Variants in OCA2 observed in about 807,000 individuals in gnomAD.
The protein encoded by OCA2 is P protein.
OCA2 carries 77 observed loss-of-function variants against 100.2 expected under a neutral mutation model. The ratio of observed to expected loss-of-function variants is 0.77; its 90% confidence interval spans 0.64 to 0.93. The LOEUF (loss-of-function observed/expected upper bound fraction) is 0.93, where lower values mean the gene tolerates loss of function less well. Ranked by LOEUF, OCA2 falls within the 40% of genes least tolerant of loss-of-function variation. The pLI is 0.00. For synonymous variants in OCA2, 432 were observed against 439.2 expected, an observed-to-expected ratio of 0.98 and a Z score of 0.21; for missense variants, 1,062 against 1,089.1, an observed-to-expected ratio of 0.98 and a Z score of 0.35.
intron 2 of OCA2, among the ~76,000 whole-genome samples, chr15:28,072,553 G>T (rs1479433469): frequency 1.4e-5 from 2 of 138,292 alleles, no homozygotes; most frequent in Non-Finnish European, 3.0e-5. Flanking sequence ...TCGCATCACT[G>T]CACTCCAGCC....
chr15:27,979,865 A>ACT (rs1567185153), intron 14 of OCA2, among the ~76,000 whole-genome samples: 10 of 115,418 alleles, frequency 8.7e-5, no homozygotes, highest in African/African-American at 3.0e-4. Context: ...ATGCCCAGCT[A>ACT]GTGTTTTTTT....
intron 1 of OCA2, among the ~76,000 whole-genome samples, chr15:28,094,369 C>T (rs2044929418): frequency 6.6e-6 from 1 of 152,138 alleles, no homozygotes; most frequent in Non-Finnish European, 1.5e-5. Context: ...AGCTCCCGCC[C>T]GTAGGGACAC....
At chr15:28,047,872 C>A (rs2043391789) in intron 2 of OCA2, among the ~76,000 whole-genome samples, 1 of 152,140 alleles carries the variant, frequency 6.6e-6, no homozygotes, top group Non-Finnish European at 1.5e-5. Context: ...TGTAGAAAAT[C>A]CCAAAGAATC....
intron 2 of OCA2, among the ~76,000 whole-genome samples, chr15:28,071,207 C>G (rs1005505911): frequency 1.3e-4 from 20 of 149,536 alleles, no homozygotes; most frequent in African/African-American, 5.0e-4. Context: ...AGGAATACAG[C>G]TAACCAAGGA....
Position 27,913,887 on chromosome 15 carries a change from G to GAAAGAA in OCA2, c.2079+12234_2079+12239dup, listed in dbSNP as rs1567098295. Among the ~76,000 whole-genome samples the GAAAGAA allele has an allele frequency of 9.2e-4, 45 of 48,904 alleles. 2 individuals are homozygous for GAAAGAA. The highest frequency in any genetic ancestry group is 3.4e-3 in the South Asian group (4 of 1,180). 32.1% of individuals were successfully genotyped at this position (48,904 alleles called of 152,430 possible). A position where few individuals can be genotyped will look rare whatever the true frequency, so the allele number is the denominator to read the frequency against. On this transcript the variant is annotated intron_variant, in intron 19 of 23. Coordinates refer to ENST00000354638, the MANE Select transcript of OCA2 (RefSeq NM_000275.3). ...AGAAAGAAAGAAAGAAAGAAAGAAA[G>GAAAGAA]AAAGAAAGCAAGCAAGCAAGCAAGC... is the stretch of plus-strand genomic sequence containing the variant.
At chr15:27,806,566 T>C (rs1002608389) in intron 23 of OCA2, among the ~76,000 whole-genome samples, 2 of 152,076 alleles carry the variant, frequency 1.3e-5, no homozygotes, top group African/African-American at 4.8e-5. Flanking sequence ...GGCCCTTCCC[T>C]AGCGGCCCCG....
chr15:27,943,231 C>A (rs2039712103), intron 18 of OCA2, among the ~76,000 whole-genome samples: 1 of 152,108 alleles, frequency 6.6e-6, no homozygotes. Context: ...GTCAGCCGTG[C>A]CTCACTGTAC....
chr15:28,069,625 AG>A (rs1314004812), intron 2 of OCA2, among the ~76,000 whole-genome samples: 3 of 144,562 alleles, frequency 2.1e-5, no homozygotes, highest in African/African-American at 8.1e-5. Flanking sequence ...GCCGGTCTCC[AG>A]CCCCTAACCG....
intron 19 of OCA2, among the ~76,000 whole-genome samples, chr15:27,893,159 G>A (rs1410019963): frequency 6.6e-6 from 1 of 152,244 alleles, no homozygotes; most frequent in Non-Finnish European, 1.5e-5. Context: ...CGTGGCAGAG[G>A]AACATAAATT....
At chr15:27,971,785 A>AT (rs1344971989) in intron 14 of OCA2, among the ~76,000 whole-genome samples, 2 of 152,146 alleles carry the variant, frequency 1.3e-5, no homozygotes, top group East Asian at 3.9e-4. Flanking sequence ...TGATTTGTTT[A>AT]TTATTCCTCC....
chr15:27,752,181 C>G (rs953214106), downstream of OCA2, among the ~76,000 whole-genome samples: 2 of 152,216 alleles, frequency 1.3e-5, no homozygotes, highest in Non-Finnish European at 2.9e-5. Context: ...GACCCTTCAT[C>G]TGGATTTTCA....
intron 2 of OCA2, among the ~76,000 whole-genome samples, chr15:28,048,232 G>T (rs1293166946): frequency 2.6e-5 from 4 of 152,144 alleles, no homozygotes; most frequent in African/African-American, 9.7e-5. Context: ...AAATTCCAAA[G>T]AAATGTAAAA....
chr15:27,897,989 GGCCTGTA>G (rs906665299), intron 19 of OCA2, among the ~76,000 whole-genome samples: 4 of 152,230 alleles, frequency 2.6e-5, no homozygotes, highest in Non-Finnish European at 4.4e-5. Context: ...ACTTGCATGG[GGCCTGTA>G]GCCCCTTGGT....
Position 27,966,930 on chromosome 15 carries a change from C to T in OCA2, c.1504-108G>A, listed in dbSNP as rs2040589807. On this transcript the variant is annotated intron_variant, in intron 14 of 23. Coordinates refer to ENST00000354638, the MANE Select transcript of OCA2 (RefSeq NM_000275.3). Reference sequence around the variant, plus strand: ...GGATCACGAGGTCCGGAGATGGAGACCATCCTGGCTAACACAGTGAAAACC... The same window carrying T: ...GGATCACGAGGTCCGGAGATGGAGATCATCCTGGCTAACACAGTGAAAACC... 5.7e-6 allele frequency: 7 copies of T among 1,222,910 alleles called. No homozygotes were observed. The African/African-American group carries it at 1.0e-4, about 18-fold the overall frequency. 75.8% of individuals were successfully genotyped at this position (1,222,910 alleles called of 1,614,324 possible).
chr15:27,794,381 G>A (rs896515434), intron 23 of OCA2, among the ~76,000 whole-genome samples: 6 of 152,182 alleles, frequency 3.9e-5, no homozygotes, highest in African/African-American at 1.2e-4. Flanking sequence ...AGAACGGGCC[G>A]TGGAACTGGA....
At chr15:27,881,660 G>A (rs909071429) in intron 19 of OCA2, among the ~76,000 whole-genome samples, 7 of 152,218 alleles carry the variant, frequency 4.6e-5, no homozygotes, top group Non-Finnish European at 4.4e-5. Flanking sequence ...TTTGCATAGA[G>A]ATGTTTATAG....
intron 23 of OCA2, among the ~76,000 whole-genome samples, chr15:27,815,652 C>T (rs545288568): frequency 6.6e-6 from 1 of 152,240 alleles, no homozygotes; most frequent in South Asian, 2.1e-4. Context: ...ACCAACAGAT[C>T]GCGTGAAATA....
chr15:27,784,892 A>G (rs899648305), intron 23 of OCA2, among the ~76,000 whole-genome samples: 1 of 130,148 alleles, frequency 7.7e-6, no homozygotes, highest in African/African-American at 4.1e-5. Context: ...AAAGAGAGAG[A>G]CAGAGAGAGA....
At chr15:28,004,663 T>G (rs1214013418) in intron 9 of OCA2, among the ~76,000 whole-genome samples, 1 of 151,778 alleles carries the variant, frequency 6.6e-6, no homozygotes, top group Non-Finnish European at 1.5e-5. Context: ...CACCCTCACA[T>G]GCCCACACAC....
Sources: allele counts gnomAD v4.1 joint callset (sites outside exome capture counted in the v4.1 genomes callset), GRCh38; gene constraint gnomAD v4.1.1; transcripts MANE v1.5; gene names NCBI Gene and HGNC (gene_info 2026-07-23, HGNC 2026-07-21).